The following NUSAP1 variants were observed in gnomAD, a reference collection of about 807,000 sequenced individuals.
The protein encoded by NUSAP1 is nucleolar and spindle-associated protein 1.
NUSAP1 carries 32 observed loss-of-function variants against 52.8 expected under a neutral mutation model. That is an observed-to-expected ratio of 0.61 (90% CI 0.46 to 0.81). The LOEUF is 0.81. NUSAP1 is among the 40% of genes least tolerant of loss of function. The probability of loss-of-function intolerance (pLI) is 0.00; values close to 1 mark genes in which losing one functional copy is unlikely to be tolerated. For missense variants in NUSAP1, 499 were observed against 522.3 expected (o/e 0.96, Z 0.43); for synonymous variants, 195 against 183.1 (o/e 1.06, Z -0.52).
intron 1 of NUSAP1, among the ~76,000 whole-genome samples, chr15:41,334,829 T>C (rs1224078055): frequency 1.3e-5 from 2 of 152,110 alleles, no homozygotes; most frequent in Non-Finnish European, 2.9e-5. Flanking sequence ...ATTACAGGCG[T>C]GACCCACCAC....
chr15:41,349,998 C>T (rs2048722477), intron 3 of NUSAP1, among the ~76,000 whole-genome samples: 1 of 152,042 alleles, frequency 6.6e-6, no homozygotes, highest in South Asian at 2.1e-4. Flanking sequence ...AACTCCTGAC[C>T]TCTGGTGCTC....
intron 8 of NUSAP1, among the ~76,000 whole-genome samples, chr15:41,373,684 G>A (rs895421508): frequency 1.4e-4 from 21 of 151,886 alleles, no homozygotes; most frequent in Admixed American, 3.9e-4. Flanking sequence ...TCCTGACCTC[G>A]TGATCCGCTC....
chr15:41,338,114 TAG>T (rs2048233571), intron 1 of NUSAP1, among the ~76,000 whole-genome samples: 2 of 151,830 alleles, frequency 1.3e-5, no homozygotes, highest in African/African-American at 4.8e-5. Context: ...TTTGTATTTT[TAG>T]TAGAGACAGG....
intron 1 of NUSAP1, among the ~76,000 whole-genome samples, chr15:41,336,655 T>TTTTTTTTTTTTTTGTTTG (rs2048155073): frequency 2.1e-5 from 3 of 141,234 alleles, no homozygotes; most frequent in Admixed American, 1.4e-4. Context: ...TTGGTTTTTT[T>TTTTTTTTTTTTTTGTTTG]TTTTTTTTTT....
At chr15:41,335,505 G>T (rs1371708862) in intron 1 of NUSAP1, among the ~76,000 whole-genome samples, 2 of 135,692 alleles carry the variant, frequency 1.5e-5, no homozygotes, top group African/African-American at 5.4e-5. Context: ...TATATATTTA[G>T]TATAGATATA....
intron 5 of NUSAP1, 63 bp downstream of exon 5, chr15:41,356,203 T>G (rs2048964558): frequency 4.4e-6 from 4 of 901,384 alleles, no homozygotes; most frequent in Non-Finnish European, 7.1e-6. Flanking sequence ...GATGTTGGAC[T>G]GTAACAGCTG....
chr15:41,336,201 C>T (rs750092545), intron 1 of NUSAP1, among the ~76,000 whole-genome samples: 4 of 151,296 alleles, frequency 2.6e-5, no homozygotes, highest in East Asian at 1.9e-4. Flanking sequence ...GGGAGGCAGA[C>T]GCTGCAGTGA....
chr15:41,363,995 T>A (rs1040466921), intron 6 of NUSAP1, among the ~76,000 whole-genome samples: 31 of 151,714 alleles, frequency 2.0e-4, no homozygotes, highest in African/African-American at 7.3e-4. Context: ...ATATAATAGG[T>A]TCTTTAGGTT....
chr15:41,363,362 A>G (rs931580164), intron 6 of NUSAP1, among the ~76,000 whole-genome samples: 2 of 149,500 alleles, frequency 1.3e-5, no homozygotes, highest in African/African-American at 4.9e-5. Context: ...CAATTTTTAT[A>G]TAAAATTATA....
At position 41,349,289 on chromosome 15, in the gene NUSAP1, G is replaced by A. The variant is rs377214224; in HGVS notation, c.306+48G>A. 1.1e-3 allele frequency: 1,740 copies of A among 1,565,790 alleles called. 1 individual carries two copies. The highest frequency in any genetic ancestry group is 1.4e-3 in the Non-Finnish European group (1,588 of 1,143,694). On this transcript the variant is annotated intron_variant, in intron 3 of 10. Coordinates refer to ENST00000559596, the MANE Select transcript of NUSAP1 (RefSeq NM_016359.5). ...AAAATAAACCACCTATGCCAAAATT[G>A]GCATACTTTTATGGAGATTTCTTTT...
chr15:41,374,852 GT>G (rs1218325955), intron 8 of NUSAP1, among the ~76,000 whole-genome samples: 1 of 150,516 alleles, frequency 6.6e-6, no homozygotes, highest in African/African-American at 2.4e-5. Context: ...TGTTTCTTTT[GT>G]TTTTTTGAGA....
rs1410824005 is a variant in NUSAP1 at position 41,371,622 on chromosome 15, C to CA, written c.948dup (p.Gly317ArgfsTer29). 13 of 1,610,396 alleles carry CA rather than the reference C, an allele frequency of 8.1e-6. No homozygotes were observed. The highest frequency in any genetic ancestry group is 9.3e-6 in the Non-Finnish European group (11 of 1,178,964). ...CATGTGACCGTGTCTGGGGGCACCCCAAAAGGCGAGGCTGTGCTTGGGACA... is the reference window on the plus strand; with the variant it reads ...CATGTGACCGTGTCTGGGGGCACCCCAAAAAGGCGAGGCTGTGCTTGGGACA... On this transcript the variant is annotated frameshift_variant, in exon 8 of 11. Coordinates refer to ENST00000559596, the MANE Select transcript of NUSAP1 (RefSeq NM_016359.5). LOFTEE classifies it high-confidence loss of function.
At chr15:41,337,594 C>T (rs1345921067) in intron 1 of NUSAP1, among the ~76,000 whole-genome samples, 2 of 152,184 alleles carry the variant, frequency 1.3e-5, no homozygotes, top group Non-Finnish European at 2.9e-5. Flanking sequence ...ATTCCATCTA[C>T]TGCCCTATTT....
At chr15:41,342,837 CA>C (rs991388075) in intron 2 of NUSAP1, among the ~76,000 whole-genome samples, 10 of 149,902 alleles carry the variant, frequency 6.7e-5, no homozygotes, top group African/African-American at 2.5e-4. Context: ...AGACTCCGTT[CA>C]AAAAACAAAA....
chr15:41,364,863 G>T (rs941349036), intron 6 of NUSAP1, among the ~76,000 whole-genome samples: 1 of 151,592 alleles, frequency 6.6e-6, no homozygotes, highest in Admixed American at 6.6e-5. Flanking sequence ...GCCAGACTCT[G>T]TCTCAAATAA....
chr15:41,359,625 T>TA (rs1377783573), intron 6 of NUSAP1, among the ~76,000 whole-genome samples: 2 of 149,520 alleles, frequency 1.3e-5, no homozygotes, highest in African/African-American at 5.1e-5. Flanking sequence ...CCATTTTTTT[T>TA]CTTTTCTTTT....
At chr15:41,363,450 C>T (rs1302628421) in intron 6 of NUSAP1, among the ~76,000 whole-genome samples, 1 of 151,922 alleles carries the variant, frequency 6.6e-6, no homozygotes, top group African/African-American at 2.4e-5. Context: ...TGATGGTTCA[C>T]TGTAGCCTCA....
intron 1 of NUSAP1, among the ~76,000 whole-genome samples, chr15:41,336,608 C>T (rs576084380): frequency 2.0e-5 from 3 of 150,272 alleles, no homozygotes; most frequent in Admixed American, 6.6e-5. Flanking sequence ...AAATATGCAA[C>T]GCTAAACCTT....
chr15:41,365,394 C>A lies in NUSAP1; in HGVS notation c.661-8C>A. 6.3e-7 allele frequency: 1 copy of A among 1,593,544 alleles called. No homozygotes were observed. The highest frequency in any genetic ancestry group is 1.7e-5 in the Admixed American group (1 of 57,174). On this transcript the variant is annotated splice_region_variant and splice_polypyrimidine_tract_variant and intron_variant, in intron 6 of 10. Coordinates refer to ENST00000559596, the MANE Select transcript of NUSAP1 (RefSeq NM_016359.5). ...CCAAGCTTTTAAAATGATGCATTTT[C>A]TCTTCAGCAGCAGCCCATCAATAAG...
Sources: allele counts gnomAD v4.1 joint callset (sites outside exome capture counted in the v4.1 genomes callset), GRCh38; gene constraint gnomAD v4.1.1; transcripts MANE v1.5; gene names NCBI Gene and HGNC (gene_info 2026-07-23, HGNC 2026-07-21).